Variants in MCF2L observed in about 807,000 individuals in gnomAD.
MCF2L encodes the protein MCF.2 cell line derived transforming sequence like, also known as guanine nucleotide exchange factor DBS.
Under a neutral mutation model 153.4 loss-of-function variants are expected in MCF2L, and 97 were observed. The ratio of observed to expected loss-of-function variants is 0.63; its 90% CI spans 0.54 to 0.75. The LOEUF is 0.75. Ranked by LOEUF, MCF2L falls within the 30% of genes least tolerant of loss-of-function variation. The pLI is 0.00. For missense variants in MCF2L, 1,347 were observed against 1,495.2 expected (o/e 0.90, Z 1.64); for synonymous variants, 659 against 632.2 (o/e 1.04, Z -0.64).
chr13:113,048,865 G>T (rs978347571), intron 4 of MCF2L, among the ~76,000 whole-genome samples: 1 of 152,364 alleles, frequency 6.6e-6, no homozygotes, highest in South Asian at 2.1e-4. Flanking sequence ...CGCCAGCTGG[G>T]TGAGGACAGT....
chr13:112,904,041 G>A lies in MCF2L; in HGVS notation c.169+1670G>A, dbSNP rs1038600721. On this transcript the variant is annotated intron_variant, in intron 2 of 29. Coordinates refer to the MCF2L transcript ENST00000375608. This position sits in a 1 kb window ranked among gnomAD's most constrained non-coding sequence, Gnocchi z 4.2. Reference sequence around the variant, plus strand: ...CAGCTTGGCTGTGAATTAACTGCCCGTGGCCACTCAGAACCTCGGACTGGT... The same window carrying A: ...CAGCTTGGCTGTGAATTAACTGCCCATGGCCACTCAGAACCTCGGACTGGT... Among the ~76,000 whole-genome samples the A allele has an allele frequency of 1.3e-4, 20 of 152,274 alleles. No individual in the cohort carries two copies. The highest frequency in any genetic ancestry group is 4.6e-4 in the African/African-American group (19 of 41,558).
At chr13:112,912,106 G>A (rs560619486) in intron 2 of MCF2L, among the ~76,000 whole-genome samples, 35 of 152,272 alleles carry the variant, frequency 2.3e-4, no homozygotes, top group Admixed American at 1.7e-3. Flanking sequence ...CCATCCCCGG[G>A]CCCAGCAGTC....
In MCF2L at chr13:113,097,312, A is replaced by G. The variant is rs2035744619; in HGVS notation, c.*453A>G. On this transcript the variant is annotated 3_prime_UTR_variant, in exon 30 of 30. Transcript: ENST00000535094. ...TCAAGCAGGGATCAATCCCGTGGCC[A>G]TTTTTTGTGGTACTTTGGCCTCAAT... 1.9e-5 allele frequency: 3 copies of G among 158,048 alleles called. No homozygotes were observed. Among genetic ancestry groups the G allele is most frequent in the Admixed American group, 1.3e-4 (2 of 15,428 alleles). The allele number at this position is 158,048 out of a possible 1,614,324, so 9.8% of individuals were successfully genotyped here.
chr13:113,016,066 G>A (rs1473983293), intron 2 of MCF2L, among the ~76,000 whole-genome samples: 1 of 152,194 alleles, frequency 6.6e-6, no homozygotes, highest in Non-Finnish European at 1.5e-5. Flanking sequence ...CCCCAGCGGT[G>A]CCTGGGAGGG....
rs567434286 is a variant in MCF2L at position 112,907,197 on chromosome 13, G to C, written c.169+4826G>C. 6.6e-6 allele frequency among the ~76,000 whole-genome samples: 1 copy of C among 152,292 alleles called. No homozygotes were observed. Among genetic ancestry groups the C allele is most frequent in the African/African-American group, 2.4e-5 (1 of 41,552 alleles). ...GGAGGGTTGGGAAGCACTTCGGGAA[G>C]GACCAAGACTTGCCCCAGCCTTGAG... On this transcript the variant is annotated intron_variant, in intron 2 of 29. Coordinates refer to the MCF2L transcript ENST00000375608. The surrounding 1 kb of genome is among the most constrained non-coding windows in gnomAD (Gnocchi z 5.1).
Position 112,942,158 on chromosome 13 carries a change from C to T in MCF2L, c.169+39787C>T, listed in dbSNP as rs370901442. The stretch of plus-strand genomic sequence containing the variant: ...ACCCGCAGTTATCTGGAGGCCTAAC[C>T]GTCTCCCTGTGATGCTGTGCTTCAG... On this transcript the variant is annotated intron_variant, in intron 2 of 29. Coordinates refer to the MCF2L transcript ENST00000375608. 5.9e-5 allele frequency among the ~76,000 whole-genome samples: 9 copies of T among 152,342 alleles called. No individual in the cohort carries two copies. The East Asian group carries it at 1.3e-3, about 23-fold the overall frequency.
chr13:112,968,394 C>A, upstream of MCF2L: 1 of 1,536,284 alleles, frequency 6.5e-7, no homozygotes, highest in Non-Finnish European at 8.7e-7. Flanking sequence ...TGCATAGACA[C>A]GAGCTGGAAT....
intron 2 of MCF2L, among the ~76,000 whole-genome samples, chr13:112,909,043 G>A (rs1191766857): frequency 6.6e-6 from 1 of 152,194 alleles, no homozygotes; most frequent in Non-Finnish European, 1.5e-5. Flanking sequence ...GTTTATCCAT[G>A]CTGCTCTCGG....
intron 7 of MCF2L, 84 bp from the exon 8 acceptor site, chr13:113,065,962 G>C: frequency 6.9e-7 from 1 of 1,456,212 alleles, no homozygotes. Flanking sequence ...GCCCCCTCAA[G>C]AGCAAGGCCC....
At chr13:112,970,497 G>A (rs545144823) in intron 1 of MCF2L, among the ~76,000 whole-genome samples, 422 of 152,258 alleles carry the variant, frequency 2.8e-3, no homozygotes, top group African/African-American at 9.5e-3. Context: ...CATGCCGTCT[G>A]CTCCCTGATT....
chr13:112,957,847 T>C (rs1434082514), intron 2 of MCF2L: 2 of 129,356 alleles, frequency 1.5e-5, no homozygotes, highest in Admixed American at 8.0e-5. Flanking sequence ...TTTAGAATAA[T>C]GCTTTGAGCA....
In MCF2L at chr13:113,031,290, G is replaced by A. The variant is rs1322855620; in HGVS notation, c.278+6532G>A. Among the ~76,000 whole-genome samples the A allele has an allele frequency of 6.6e-6, 1 of 152,148 alleles. No homozygotes were observed. The highest frequency in any genetic ancestry group is 1.5e-5 in the Non-Finnish European group (1 of 68,024). On this transcript the variant is annotated intron_variant, in intron 3 of 29. Transcript: ENST00000535094. This position sits in a 1 kb window ranked among gnomAD's most constrained non-coding sequence, Gnocchi z 5.5. ...ACAGACAGAGACACGGAGACACAGA[G>A]ATAAAGAGAGCACGAGGGAGGCAGA...
intron 1 of MCF2L, among the ~76,000 whole-genome samples, chr13:112,901,739 C>T (rs959836056): frequency 6.6e-6 from 1 of 152,196 alleles, no homozygotes; most frequent in African/African-American, 2.4e-5. Flanking sequence ...TTCTGGAACT[C>T]GGAGGACATT....
chr13:112,979,806 C>A, intron 1 of MCF2L: 1 of 1,554,966 alleles, frequency 6.4e-7, no homozygotes. Flanking sequence ...GCTGTGTCCC[C>A]TCTGCAGGTG....
intron 2 of MCF2L, among the ~76,000 whole-genome samples, chr13:112,933,924 T>A (rs1594348583): frequency 6.6e-6 from 1 of 152,360 alleles, no homozygotes; most frequent in South Asian, 2.1e-4. Flanking sequence ...CTGTGTCCAG[T>A]GCTGATGCCA....
At chr13:112,974,900 A>T (rs1046767393) in intron 1 of MCF2L, among the ~76,000 whole-genome samples, 4 of 152,198 alleles carry the variant, frequency 2.6e-5, no homozygotes, top group Admixed American at 2.6e-4. Context: ...CTGCAGCCTA[A>T]TTATGGAAAG....
chr13:112,909,658 C>CAT (rs1371029106), intron 2 of MCF2L: 1 of 225,676 alleles, frequency 4.4e-6, no homozygotes, highest in Non-Finnish European at 8.9e-6. Context: ...TTTTATGAGA[C>CAT]AGAGTCCTGC....
chr13:112,921,864 A>C (rs1485484272), intron 2 of MCF2L, among the ~76,000 whole-genome samples: 1 of 152,212 alleles, frequency 6.6e-6, no homozygotes, highest in Non-Finnish European at 1.5e-5. Context: ...GGCAGGAGAG[A>C]GTGTCAGGAG....
intron 1 of MCF2L, among the ~76,000 whole-genome samples, chr13:112,972,932 G>T (rs1310689338): frequency 6.6e-6 from 1 of 150,446 alleles, no homozygotes; most frequent in African/African-American, 2.5e-5. Context: ...TGAGCAATGG[G>T]CTGAGGGACA....
Sources: allele counts gnomAD v4.1 joint callset (sites outside exome capture counted in the v4.1 genomes callset), GRCh38; gene constraint gnomAD v4.1.1; non-coding constraint Gnocchi (gnomAD v3.1); transcripts MANE v1.5; gene names NCBI Gene and HGNC (gene_info 2026-07-23, HGNC 2026-07-21).